Variants in FGFR2 observed in about 807,000 individuals in gnomAD.
The protein encoded by FGFR2 is BEK fibroblast growth factor receptor.
In FGFR2, 19 loss-of-function variants were observed where a neutral mutation model predicts 95.9. The ratio of observed to expected loss-of-function variants is 0.20; its 90% CI spans 0.14 to 0.29. The LOEUF is 0.29. Ranked by LOEUF, FGFR2 falls within the 10% of genes least tolerant of loss-of-function variation. The pLI, the probability that FGFR2 is intolerant of heterozygous loss-of-function variation, is 1.00. For missense variants in FGFR2, 707 were observed against 1,056.9 expected (o/e 0.67, Z 4.59); for synonymous variants, 392 against 393.3 (o/e 1.00, Z 0.04).
At chr10:121,500,794 C>T (rs1459559743) in intron 11 of FGFR2, 32 bp downstream of exon 11, 6 of 1,612,050 alleles carry the variant, frequency 3.7e-6, no homozygotes, top group Non-Finnish European at 5.1e-6. Flanking sequence ...CTCCACCCAG[C>T]CCCTCCCCGA....
intron 2 of FGFR2, among the ~76,000 whole-genome samples, chr10:121,570,864 G>A (rs1002904701): frequency 2.0e-5 from 3 of 152,198 alleles, no homozygotes; most frequent in South Asian, 2.1e-4. Flanking sequence ...CTCAACACTC[G>A]TTTCTACTGC....
chr10:121,588,915 A>G (rs1164072195), intron 2 of FGFR2, among the ~76,000 whole-genome samples: 2 of 152,286 alleles, frequency 1.3e-5, no homozygotes, highest in South Asian at 2.1e-4. Flanking sequence ...CTCTGTCTCA[A>G]AAAACAAAAA....
At chr10:121,548,909 T>A (rs1230864340) in intron 5 of FGFR2, among the ~76,000 whole-genome samples, 1 of 152,166 alleles carries the variant, frequency 6.6e-6, no homozygotes, top group Non-Finnish European at 1.5e-5. Context: ...AGATTTCTTT[T>A]AAAAGGGCCA....
At chr10:121,571,668 G>A (rs924734569) in intron 2 of FGFR2, among the ~76,000 whole-genome samples, 9 of 152,024 alleles carry the variant, frequency 5.9e-5, no homozygotes, top group African/African-American at 2.2e-4. Context: ...GACTGGCCGG[G>A]CGCGGTGGCT....
intron 8 of FGFR2, among the ~76,000 whole-genome samples, chr10:121,515,933 T>C (rs1369134545): frequency 6.6e-6 from 1 of 151,424 alleles, no homozygotes; most frequent in African/African-American, 2.4e-5. Flanking sequence ...GCTTATAATA[T>C]AGAACCATTA....
chr10:121,502,193 T>C (rs1403359388), intron 10 of FGFR2, among the ~76,000 whole-genome samples: 1 of 152,186 alleles, frequency 6.6e-6, no homozygotes, highest in Non-Finnish European at 1.5e-5. Flanking sequence ...AGTTCAGTTA[T>C]ATATATAGGA....
chr10:121,597,671 C>A (rs531562883), intron 1 of FGFR2, among the ~76,000 whole-genome samples: 2 of 152,224 alleles, frequency 1.3e-5, no homozygotes, highest in East Asian at 3.9e-4. Flanking sequence ...GCCCAGTCAG[C>A]GGGAATGCGC....
intron 2 of FGFR2, among the ~76,000 whole-genome samples, chr10:121,567,726 C>T (rs1048379897): frequency 2.6e-5 from 4 of 152,332 alleles, no homozygotes; most frequent in Middle Eastern, 3.4e-3. Context: ...CCAAGCCAGC[C>T]GCAGCTTGTT....
intron 4 of FGFR2, among the ~76,000 whole-genome samples, chr10:121,558,530 CTTAAAAAGATCAATCA>C (rs545854109): frequency 1.3e-3 from 203 of 152,156 alleles, no homozygotes; most frequent in Admixed American, 2.0e-3. Context: ...AAGAAACCAA[CTTAAAAAGATCAATCA>C]AATCAGCCCA....
intron 4 of FGFR2, 57 bp from the exon 5 acceptor site, chr10:121,551,516 TA>T: frequency 3.3e-6 from 5 of 1,510,634 alleles, no homozygotes; most frequent in Non-Finnish European, 4.6e-6. Context: ...CCTCCATGAG[TA>T]AACTCCAAAC....
At chr10:121,521,449 C>A (rs1166542708) in intron 6 of FGFR2, among the ~76,000 whole-genome samples, 1 of 152,144 alleles carries the variant, frequency 6.6e-6, no homozygotes, top group African/African-American at 2.4e-5. Flanking sequence ...ACATGAGACT[C>A]CTCAAGTGTT....
At chr10:121,480,082 G>A (rs780761521) in intron 17 of FGFR2, 61 bp from the exon 18 acceptor site, 13 of 1,465,288 alleles carry the variant, frequency 8.9e-6, no homozygotes, top group Middle Eastern at 1.7e-4. Flanking sequence ...AGGTGAATAC[G>A]GTTCGAGAGG....
At chr10:121,594,441 C>T (rs369717028) in intron 1 of FGFR2, among the ~76,000 whole-genome samples, 32 of 152,332 alleles carry the variant, frequency 2.1e-4, no homozygotes, top group African/African-American at 6.3e-4. Context: ...GCTCACAGCT[C>T]CGTATTTCTG....
intron 9 of FGFR2, among the ~76,000 whole-genome samples, chr10:121,512,019 C>T (rs372158233): frequency 6.6e-5 from 10 of 152,244 alleles, no homozygotes; most frequent in East Asian, 3.9e-4. Flanking sequence ...CTGAGTGAGA[C>T]GCTGTGTGTG....
intron 2 of FGFR2, among the ~76,000 whole-genome samples, chr10:121,576,100 T>G (rs917144830): frequency 3.3e-5 from 5 of 151,954 alleles, no homozygotes; most frequent in African/African-American, 1.2e-4. Context: ...GGCAGGAGAA[T>G]CGCTTGAACC....
At chr10:121,525,632 AGAG>A (rs1851260322) in intron 6 of FGFR2, among the ~76,000 whole-genome samples, 3 of 151,566 alleles carry the variant, frequency 2.0e-5, no homozygotes, top group Non-Finnish European at 4.4e-5. Context: ...AGGGAGAGAG[AGAG>A]AGAGAGAGAG....
chr10:121,496,720 G>C lies in FGFR2; in HGVS notation c.1675C>G (p.Pro559Ala), dbSNP rs2133945496. 6.2e-7 allele frequency: 1 copy of C among 1,611,860 alleles called. No homozygotes were observed. Among genetic ancestry groups the C allele is most frequent in the Non-Finnish European group, 8.5e-7 (1 of 1,179,900 alleles). Residue 559 changes from proline (P) to alanine (A), a missense_variant and splice_region_variant, in exon 13 of 18, where the codon CCT becomes GCT. Pro to Ala is a conservative substitution (Grantham distance 27, BLOSUM62 -1). Transcript: ENST00000358487. ...NLLGACTQDG[P>A]LYVIVEYASK... The stretch of plus-strand genomic sequence containing the variant: ...GCATACTCAACTATGACATAGAGAG[G>C]CCCTGTTGAGGAAGAAGAGAAGCTC...
At chr10:121,560,193 GAATA>G (rs2135014314) in intron 4 of FGFR2, among the ~76,000 whole-genome samples, 1 of 152,218 alleles carries the variant, frequency 6.6e-6, no homozygotes, top group East Asian at 1.9e-4. Flanking sequence ...AATAAAGCAA[GAATA>G]AATACTCTCT....
chr10:121,538,470 A>G (rs1853199988), intron 6 of FGFR2, 122 bp downstream of exon 6: 1 of 1,372,024 alleles, frequency 7.3e-7, no homozygotes, highest in Non-Finnish European at 1.0e-6. Context: ...AGTAGAAAGA[A>G]TAAGAATGAA....
Sources: gnomAD v4.1 joint callset for allele counts (sites outside exome capture counted in the v4.1 genomes callset) on GRCh38, gnomAD v4.1.1 for gene constraint, MANE v1.5 for transcripts, NCBI Gene and HGNC (gene_info 2026-07-23, HGNC 2026-07-21) for gene names.